The following AKAP6 variants were observed in gnomAD, a reference collection of about 807,000 sequenced individuals.
AKAP6 encodes A-kinase anchoring protein 6.
A neutral mutation model predicts 188.5 loss-of-function variants in AKAP6; 58 were observed. The observed-to-expected ratio is 0.31, with a 90% CI of 0.25 to 0.38. The LOEUF is 0.38. AKAP6 is among the 10% of genes least tolerant of loss of function. The pLI, the probability that AKAP6 is intolerant of heterozygous loss-of-function variation, is 1.00. For missense variants in AKAP6, 2,710 were observed against 2,740.0 expected, an observed-to-expected ratio of 0.99 and a Z score of 0.24; for synonymous variants, 989 against 998.6, an observed-to-expected ratio of 0.99 and a Z score of 0.18.
intron 11 of AKAP6, among the ~76,000 whole-genome samples, chr14:32,767,851 A>G (rs577945872): frequency 9.0e-4 from 137 of 152,294 alleles, no homozygotes; most frequent in African/African-American, 3.2e-3. Flanking sequence ...CATTTGGGTC[A>G]TGGCCTCACT....
At chr14:32,743,061 T>G (rs1200963268) in intron 11 of AKAP6, among the ~76,000 whole-genome samples, 1 of 152,138 alleles carries the variant, frequency 6.6e-6, no homozygotes, top group African/African-American at 2.4e-5. Context: ...TAGTATTGAG[T>G]GCATACATCT....
At chr14:32,595,785 C>T (rs1240151178) in intron 5 of AKAP6, among the ~76,000 whole-genome samples, 1 of 152,060 alleles carries the variant, frequency 6.6e-6, no homozygotes, top group East Asian at 1.9e-4. Flanking sequence ...AAGGCCCGAC[C>T]ACTCTGTGTT....
chr14:32,668,143 G>T (rs368357317), intron 7 of AKAP6, among the ~76,000 whole-genome samples: 14 of 152,064 alleles, frequency 9.2e-5, no homozygotes, highest in African/African-American at 3.1e-4. Flanking sequence ...AAACAGTAAT[G>T]GAGTGACATC....
intron 1 of AKAP6, among the ~76,000 whole-genome samples, chr14:32,352,804 T>G (rs1299642061): frequency 6.6e-6 from 1 of 152,246 alleles, no homozygotes; most frequent in Non-Finnish European, 1.5e-5. Flanking sequence ...CATCCATTGA[T>G]GGACACTTAG....
chr14:32,551,816 C>T (rs1189848939), intron 4 of AKAP6, among the ~76,000 whole-genome samples: 6 of 145,844 alleles, frequency 4.1e-5, no homozygotes, highest in Non-Finnish European at 7.4e-5. Flanking sequence ...CCTGCCACCA[C>T]ACCCGGCTAA....
chr14:32,724,158 G>A (rs1040602), intron 9 of AKAP6, among the ~76,000 whole-genome samples: 150,421 of 152,294 alleles, frequency 0.99, 74,313 homozygotes, highest in Middle Eastern at 1. Context: ...GAACTAAAAT[G>A]CATATTATAC....
rs1161845562 is a variant in AKAP6 at position 32,546,677 on chromosome 14, A to T, written c.2024A>T (p.Asn675Ile). 6.2e-7 allele frequency: 1 copy of T among 1,614,152 alleles called. No individual in the cohort carries two copies. Among genetic ancestry groups the T allele is most frequent in the South Asian group, 1.1e-5 (1 of 91,088 alleles). Residue 675 changes from asparagine to isoleucine, a missense_variant, in exon 4 of 14, where the codon AAT (asparagine) becomes ATT (isoleucine). Around this residue, in one of 2 missense-constraint regions of AKAP6, gnomAD observed 2,473 missense variants for 2,426.1 expected, o/e 1.02. Transcript: ENST00000280979. ...GATGACTGGGAACTGTCTGAAATGA[A>T]TTCAGATTCTGAAATCTATCCAACC... ...NIDDWELSEM[N>I]SDSEIYPTYH...
intron 12 of AKAP6, among the ~76,000 whole-genome samples, chr14:32,774,312 G>A (rs747581749): frequency 1.6e-4 from 25 of 152,206 alleles, no homozygotes; most frequent in Non-Finnish European, 3.4e-4. Context: ...ATGGAGTAAT[G>A]TGTATGCTCT....
rs9322902 is a variant in AKAP6, at chr14:32,411,541, G to C, written c.-34-21919G>C. 3.8e-3 allele frequency among the ~76,000 whole-genome samples: 577 copies of C among 152,144 alleles called. 4 individuals are homozygous for C. The highest frequency in any genetic ancestry group is 0.013 in the African/African-American group (557 of 41,516). ...GCAGACTCCCAAGAGAGGGAATCTG[G>C]GGTTTTAGCTGGTTCTTAAATTGGC... On this transcript the variant is annotated intron_variant, in intron 1 of 13. Transcript: ENST00000280979.
intron 11 of AKAP6, among the ~76,000 whole-genome samples, chr14:32,739,307 G>T (rs2031572206): frequency 6.6e-6 from 1 of 151,914 alleles, no homozygotes; most frequent in Non-Finnish European, 1.5e-5. Flanking sequence ...GACATGCAAT[G>T]GGTACTAATC....
intron 12 of AKAP6, among the ~76,000 whole-genome samples, chr14:32,787,087 G>A (rs1262292166): frequency 1.3e-5 from 2 of 152,174 alleles, no homozygotes; most frequent in Middle Eastern, 3.2e-3. Context: ...GTGTCACTTT[G>A]CATCAATGTC....
At chr14:32,396,887 A>G (rs1368463444) in intron 1 of AKAP6, among the ~76,000 whole-genome samples, 5 of 152,284 alleles carry the variant, frequency 3.3e-5, no homozygotes, top group Non-Finnish European at 4.4e-5. Flanking sequence ...AGCTAGTTTG[A>G]TAAGTGTCTG....
intron 5 of AKAP6, among the ~76,000 whole-genome samples, chr14:32,592,558 G>A (rs1885529249): frequency 6.6e-6 from 1 of 152,106 alleles, no homozygotes. Context: ...TACATTTCAA[G>A]GCAGATATGT....
intron 11 of AKAP6, among the ~76,000 whole-genome samples, chr14:32,746,908 G>A (rs575189069): frequency 1.1e-3 from 173 of 152,032 alleles, no homozygotes; most frequent in Non-Finnish European, 2.0e-3. Context: ...TTTAAGTCTT[G>A]GAAATTAAAA....
chr14:32,349,459 T>C (rs1304718825), intron 1 of AKAP6, among the ~76,000 whole-genome samples: 1 of 152,230 alleles, frequency 6.6e-6, no homozygotes, highest in Admixed American at 6.5e-5. Flanking sequence ...CGTCTATTTC[T>C]TGGCCTTCTG....
At chr14:32,538,444 T>G (rs747828137) in intron 3 of AKAP6, among the ~76,000 whole-genome samples, 6 of 152,168 alleles carry the variant, frequency 3.9e-5, no homozygotes, top group Non-Finnish European at 8.8e-5. Context: ...AGAGCCATAT[T>G]AAAGAGCAAG....
chr14:32,622,840 G>C (rs930805673), intron 7 of AKAP6, among the ~76,000 whole-genome samples: 1 of 152,084 alleles, frequency 6.6e-6, no homozygotes, highest in African/African-American at 2.4e-5. Flanking sequence ...AGAACTAATG[G>C]TTCAGTCTAA....
chr14:32,709,931 A>G (rs1057211529), intron 9 of AKAP6, among the ~76,000 whole-genome samples: 3 of 152,040 alleles, frequency 2.0e-5, no homozygotes, highest in African/African-American at 7.2e-5. Flanking sequence ...TCTACACTCC[A>G]TCTAACTGAA....
chr14:32,404,816 T>C (rs1021242167), intron 1 of AKAP6, among the ~76,000 whole-genome samples: 1 of 149,732 alleles, frequency 6.7e-6, no homozygotes, highest in African/African-American at 2.5e-5. Flanking sequence ...ATAGGAAAAG[T>C]ACAAAGGGTA....
Sources: gnomAD v4.1 joint callset for allele counts (sites outside exome capture counted in the v4.1 genomes callset) on GRCh38, gnomAD v4.1.1 for gene constraint, gnomAD v4.1.1 regional missense constraint, MANE v1.5 for transcripts, NCBI Gene and HGNC (gene_info 2026-07-23, HGNC 2026-07-21) for gene names.